CADM2: variants seen among roughly 807,000 people sequenced by gnomAD.
CADM2 encodes immunoglobulin superfamily member 4D.
Under a neutral mutation model 49.8 loss-of-function variants are expected in CADM2, and 12 were observed. That is an observed-to-expected ratio of 0.24 (90% CI 0.15 to 0.39). The LOEUF is 0.39. CADM2 is among the 10% of genes least tolerant of loss of function. The probability of loss-of-function intolerance (pLI) is 1.00; values close to 1 mark genes in which losing one functional copy is unlikely to be tolerated. For synonymous variants in CADM2, 214 were observed against 175.4 expected (o/e 1.22, Z -1.74); for missense variants, 378 against 492.3 (o/e 0.77, Z 2.20).
intron 1 of CADM2, among the ~76,000 whole-genome samples, chr3:85,477,423 A>G (rs2039023680): frequency 6.6e-6 from 1 of 151,972 alleles, no homozygotes; most frequent in African/African-American, 2.4e-5. Flanking sequence ...TCGAAGTAGA[A>G]CTAAGTAGTG....
chr3:86,003,051 C>A (rs928709505), intron 8 of CADM2, among the ~76,000 whole-genome samples: 9 of 152,160 alleles, frequency 5.9e-5, no homozygotes, highest in Non-Finnish European at 2.9e-5. Context: ...GGAGGTTGTT[C>A]ATGTTTAGTG....
intron 1 of CADM2, among the ~76,000 whole-genome samples, chr3:85,217,212 T>G (rs2041947103): frequency 6.6e-6 from 1 of 151,760 alleles, no homozygotes; most frequent in Non-Finnish European, 1.5e-5. Context: ...TGGCACAAAA[T>G]TATGAAGATC....
At chr3:85,534,643 G>A (rs1373418219) in intron 1 of CADM2, among the ~76,000 whole-genome samples, 2 of 152,070 alleles carry the variant, frequency 1.3e-5, no homozygotes, top group African/African-American at 2.4e-5. Context: ...TTACTATCTG[G>A]CCCTTTGCAA....
chr3:85,267,259 G>A lies in CADM2; in HGVS notation c.61+307591G>A, dbSNP rs1008524431. On this transcript the variant is annotated intron_variant, in intron 1 of 9. Transcript: ENST00000383699. ...ATGTGAGACCTTTTGCATGTAGGTA[G>A]CGTCTGAAATGTGGTTTTGTCTGGT... is the stretch of plus-strand genomic sequence containing the variant. Among the ~76,000 whole-genome samples, 6 of 151,714 alleles carry A rather than the reference G, an allele frequency of 4.0e-5. 1 individual carries two copies. The highest frequency in any genetic ancestry group is 3.0e-5 in the Non-Finnish European group (2 of 67,786).
chr3:85,241,836 T>G (rs1048573050), intron 1 of CADM2, among the ~76,000 whole-genome samples: 1 of 151,570 alleles, frequency 6.6e-6, no homozygotes, highest in African/African-American at 2.4e-5. Context: ...TGGAAAATTT[T>G]ATTCTGTTAA....
At chr3:85,922,366 C>T (rs911123400) in intron 6 of CADM2, among the ~76,000 whole-genome samples, 3 of 151,668 alleles carry the variant, frequency 2.0e-5, no homozygotes, top group Non-Finnish European at 4.4e-5. Flanking sequence ...ACAAAATAGT[C>T]ATATCTACTA....
intron 1 of CADM2, among the ~76,000 whole-genome samples, chr3:85,388,289 A>G (rs2034346350): frequency 6.6e-6 from 1 of 152,194 alleles, no homozygotes; most frequent in African/African-American, 2.4e-5. Flanking sequence ...AGGAAAGAAG[A>G]AAAGAAATCA....
intron 1 of CADM2, among the ~76,000 whole-genome samples, chr3:85,604,695 GTTAA>G (rs1156578860): frequency 1.3e-5 from 2 of 151,370 alleles, no homozygotes; most frequent in Non-Finnish European, 3.0e-5. Flanking sequence ...TTTGTTGTCT[GTTAA>G]TTAATTTCTG....
intron 1 of CADM2, among the ~76,000 whole-genome samples, chr3:84,983,417 T>C (rs2032332649): frequency 6.6e-6 from 1 of 151,976 alleles, no homozygotes; most frequent in South Asian, 2.1e-4. Flanking sequence ...TAGTTTGGAA[T>C]TTGACTATTA....
At chr3:85,965,065 C>A (rs1725302561) in intron 8 of CADM2, among the ~76,000 whole-genome samples, 1 of 151,084 alleles carries the variant, frequency 6.6e-6, no homozygotes, top group Non-Finnish European at 1.5e-5. Flanking sequence ...TACAAAGGAG[C>A]AAAGATAAAT....
intron 1 of CADM2, among the ~76,000 whole-genome samples, chr3:85,393,066 C>A (rs2034596062): frequency 1.4e-5 from 2 of 141,730 alleles, no homozygotes. Context: ...GAAGAGAAAA[C>A]CTGGAGGCAA....
intron 1 of CADM2, among the ~76,000 whole-genome samples, chr3:85,525,115 C>T (rs2061131262): frequency 6.6e-6 from 1 of 152,020 alleles, no homozygotes; most frequent in Non-Finnish European, 1.5e-5. Flanking sequence ...GGTAACAAAC[C>T]TGCACGTTCT....
At chr3:85,049,998 C>T (rs917722892) in intron 1 of CADM2, among the ~76,000 whole-genome samples, 6 of 151,972 alleles carry the variant, frequency 3.9e-5, no homozygotes, top group Admixed American at 2.0e-4. Context: ...TTCTTGACCA[C>T]GAGGAAAATA....
intron 1 of CADM2, among the ~76,000 whole-genome samples, chr3:85,504,290 G>C (rs2040230300): frequency 6.6e-6 from 1 of 151,958 alleles, no homozygotes; most frequent in South Asian, 2.1e-4. Context: ...TCGTGGTCTC[G>C]CTGGCTTCAG....
intron 1 of CADM2, among the ~76,000 whole-genome samples, chr3:85,022,225 A>T (rs538488815): frequency 6.6e-6 from 1 of 152,288 alleles, no homozygotes; most frequent in South Asian, 2.1e-4. Flanking sequence ...AGCTTCCCAG[A>T]TTTCCCATAT....
At chr3:85,632,249 A>G (rs1314763661) in intron 1 of CADM2, among the ~76,000 whole-genome samples, 3 of 152,106 alleles carry the variant, frequency 2.0e-5, no homozygotes, top group South Asian at 2.1e-4. Context: ...TGTCATTCAC[A>G]TAAGATGTGA....
intron 3 of CADM2, among the ~76,000 whole-genome samples, chr3:85,857,445 T>G (rs2075359834): frequency 6.6e-6 from 1 of 152,194 alleles, no homozygotes; most frequent in Admixed American, 6.5e-5. Context: ...GAGTCCTCCG[T>G]GCCTACCATA....
chr3:85,918,212 A>G (rs9841973), intron 6 of CADM2, among the ~76,000 whole-genome samples: 100,641 of 152,024 alleles, frequency 0.66, 33,944 homozygotes, highest in African/African-American at 0.79. Context: ...TGGTGAGAGA[A>G]GGCATCCCTG....
intron 1 of CADM2, among the ~76,000 whole-genome samples, chr3:85,188,574 A>G (rs2041121460): frequency 6.6e-6 from 1 of 152,038 alleles, no homozygotes; most frequent in Non-Finnish European, 1.5e-5. Context: ...ATAGAATTCA[A>G]GTTGTTTTTT....
Sources: gnomAD v4.1 joint callset for allele counts (sites outside exome capture counted in the v4.1 genomes callset) on GRCh38, gnomAD v4.1.1 for gene constraint, MANE v1.5 for transcripts, NCBI Gene and HGNC (gene_info 2026-07-23, HGNC 2026-07-21) for gene names.